The following HTT-AS variants were observed in gnomAD, a reference collection of about 807,000 sequenced individuals.
HTT-AS encodes HTT antisense RNA.
At chr4:3,054,412 C>T (rs2110120863) in intron 2 of HTT-AS, among the ~76,000 whole-genome samples, 1 of 152,092 alleles carries the variant, frequency 6.6e-6, no homozygotes, top group South Asian at 2.1e-4. Flanking sequence ...ACCATTATAA[C>T]ATGTAATTGA....
At chr4:3,060,500 C>T (rs1417158239) in intron 2 of HTT-AS, among the ~76,000 whole-genome samples, 1 of 152,104 alleles carries the variant, frequency 6.6e-6, no homozygotes, top group East Asian at 1.9e-4. Flanking sequence ...AGGGTGCACA[C>T]CTGTGATGAT....
chr4:3,070,716 G>A (rs762915710), intron 1 of HTT-AS, among the ~76,000 whole-genome samples: 1 of 152,200 alleles, frequency 6.6e-6, no homozygotes, highest in Non-Finnish European at 1.5e-5. Context: ...ATCTGGAACA[G>A]GATTCTAATG....
At chr4:3,067,467 T>G (rs1712077123) in intron 1 of HTT-AS, among the ~76,000 whole-genome samples, 1 of 152,114 alleles carries the variant, frequency 6.6e-6, no homozygotes, top group Admixed American at 6.6e-5. Context: ...TAAGATGCAT[T>G]TAATGGGGAC....
Position 3,057,602 on chromosome 4 carries a change from C to T in HTT-AS, n.1380+4832G>A, listed in dbSNP as rs566755490. On this transcript the variant is annotated intron_variant and non_coding_transcript_variant, in intron 2 of 2. Transcript: ENST00000664062. The stretch of plus-strand genomic sequence containing the variant: ...CCATGGGCAGAGCAGCCCCGATGGC[C>T]GCTGGTTGGCTATTTTTATGGTTAT... Among the ~76,000 whole-genome samples, 70 of 152,148 alleles carry T rather than the reference C, an allele frequency of 4.6e-4. No individual in the cohort carries two copies. The South Asian group carries it at 7.3e-3, about 16-fold the overall frequency.
chr4:3,066,703 C>T (rs941792972), intron 1 of HTT-AS, among the ~76,000 whole-genome samples: 1 of 152,200 alleles, frequency 6.6e-6, no homozygotes. Context: ...ATTAAGATGG[C>T]CTAGGACTTC....
intron 1 of HTT-AS, among the ~76,000 whole-genome samples, chr4:3,073,465 G>C (rs1712246680): frequency 1.3e-5 from 2 of 152,370 alleles, no homozygotes; most frequent in Non-Finnish European, 2.9e-5. Context: ...CGCCCCTTGG[G>C]GGTCCTGCCG....
At chr4:3,065,799 T>G (rs1712037280) in intron 1 of HTT-AS, among the ~76,000 whole-genome samples, 3 of 152,222 alleles carry the variant, frequency 2.0e-5, no homozygotes, top group Admixed American at 1.3e-4. Context: ...CACAAGACAG[T>G]ATTACGTAGC....
At chr4:3,054,482 G>A (rs1433782741) in intron 2 of HTT-AS, among the ~76,000 whole-genome samples, 2 of 152,046 alleles carry the variant, frequency 1.3e-5, no homozygotes, top group African/African-American at 2.4e-5. Flanking sequence ...TGTGTTTTTG[G>A]TAAAAGATTA....
chr4:3,064,476 A>G (rs1288934804), intron 1 of HTT-AS, among the ~76,000 whole-genome samples: 1 of 152,234 alleles, frequency 6.6e-6, no homozygotes, highest in African/African-American at 2.4e-5. Context: ...AAATACACAA[A>G]AATTAATTTC....
downstream of HTT-AS, among the ~76,000 whole-genome samples, chr4:3,048,449 A>T (rs1560527790): frequency 6.6e-6 from 1 of 152,160 alleles, no homozygotes. Flanking sequence ...GGAGACTATT[A>T]TTATGATTAC....
intron 2 of HTT-AS, among the ~76,000 whole-genome samples, chr4:3,051,585 GT>G: frequency 6.6e-6 from 1 of 151,894 alleles, no homozygotes; most frequent in East Asian, 1.9e-4. Flanking sequence ...CAGCAAAAGG[GT>G]AAGAATTTCT....
intron 2 of HTT-AS, among the ~76,000 whole-genome samples, chr4:3,061,877 C>G (rs1206299673): frequency 6.1e-5 from 9 of 146,546 alleles, no homozygotes; most frequent in African/African-American, 1.5e-4. Context: ...AGCTACTCGG[C>G]AGGCTGAGGC....
chr4:3,051,030 T>TTG (rs59615689), intron 2 of HTT-AS, among the ~76,000 whole-genome samples: 23,343 of 122,190 alleles, frequency 0.19, 2,163 homozygotes, highest in South Asian at 0.22. Flanking sequence ...CCCTTACAAT[T>TTG]TGTGTGTGTG....
At chr4:3,051,293 G>A (rs2488810) in intron 2 of HTT-AS, among the ~76,000 whole-genome samples, 6,171 of 152,082 alleles carry the variant, frequency 0.041, 193 homozygotes, top group African/African-American at 0.086. Flanking sequence ...TCGAACTCCC[G>A]ACCTCAGGTG....
chr4:3,047,324 A>AAAAAC (rs1027511886), downstream of HTT-AS, among the ~76,000 whole-genome samples: 247 of 152,266 alleles, frequency 1.6e-3, no homozygotes, highest in African/African-American at 5.4e-3. Context: ...AAACAAAAAC[A>AAAAAC]AAAACAAAAC....
chr4:3,056,476 C>T (rs945310264), intron 2 of HTT-AS, among the ~76,000 whole-genome samples: 8 of 152,142 alleles, frequency 5.3e-5, no homozygotes, highest in South Asian at 2.1e-4. Flanking sequence ...GTTACAGGTG[C>T]GTAAGTTACA....
At chr4:3,071,475 CACTT>C (rs1178155376) in intron 1 of HTT-AS, among the ~76,000 whole-genome samples, 7 of 152,276 alleles carry the variant, frequency 4.6e-5, no homozygotes, top group African/African-American at 1.7e-4. Flanking sequence ...CCCTGGCTAG[CACTT>C]ACTTAGTTAT....
Position 3,060,593 on chromosome 4 carries a change from C to T in HTT-AS, n.1380+1841G>A, listed in dbSNP as rs548068927. On this transcript the variant is annotated intron_variant and non_coding_transcript_variant, in intron 2 of 2. Transcript: ENST00000664062. ...AGGTTTTCTTTTCAATGAAAAGCAG[C>T]CCCCAAGCATTTTCTTTTCTAACAA... Among the ~76,000 whole-genome samples, 3 of 152,290 alleles carry T rather than the reference C, an allele frequency of 2.0e-5. No homozygotes were observed. In the East Asian group the frequency reaches 5.8e-4, roughly 29 times the overall value.
chr4:3,074,135 T>C (rs2110127417), intron 1 of HTT-AS, among the ~76,000 whole-genome samples: 1 of 100,218 alleles, frequency 1.0e-5, no homozygotes, highest in Admixed American at 1.1e-4. Flanking sequence ...TCCCCACCCC[T>C]CACCGGCCAG....
Sources: allele counts gnomAD v4.1 joint callset (sites outside exome capture counted in the v4.1 genomes callset), GRCh38; gene constraint gnomAD v4.1.1; transcripts MANE v1.5; gene names NCBI Gene and HGNC (gene_info 2026-07-23, HGNC 2026-07-21).